ARHGAP15: variants seen among roughly 807,000 people sequenced by gnomAD.
ARHGAP15 encodes rho GTPase-activating protein 15.
In ARHGAP15, 51 loss-of-function variants were observed where a neutral mutation model predicts 63.7. The ratio of observed to expected loss-of-function variants is 0.80; its 90% confidence interval spans 0.64 to 1.01. The LOEUF is 1.01. ARHGAP15 is among the 50% of genes least tolerant of loss of function. The pLI, the probability that ARHGAP15 is intolerant of heterozygous loss-of-function variation, is 0.00. For missense variants in ARHGAP15, 560 were observed against 564.6 expected, an observed-to-expected ratio of 0.99 and a Z score of 0.08; for synonymous variants, 191 against 193.8, an observed-to-expected ratio of 0.99 and a Z score of 0.12.
chr2:143,262,964 C>G (rs1413444451), intron 6 of ARHGAP15, among the ~76,000 whole-genome samples: 1 of 152,136 alleles, frequency 6.6e-6, no homozygotes, highest in Non-Finnish European at 1.5e-5. Flanking sequence ...CCTTTTGGTC[C>G]TTAGACCCAC....
At chr2:143,225,768 G>T (rs1278747017) in intron 4 of ARHGAP15, among the ~76,000 whole-genome samples, 1 of 152,162 alleles carries the variant, frequency 6.6e-6, no homozygotes, top group African/African-American at 2.4e-5. Context: ...AGTAAATAGA[G>T]ATGTTAGTAC....
At chr2:143,476,389 A>C (rs1400315306) in intron 8 of ARHGAP15, among the ~76,000 whole-genome samples, 1 of 152,216 alleles carries the variant, frequency 6.6e-6, no homozygotes, top group African/African-American at 2.4e-5. Context: ...CTTGGGAAGA[A>C]AGGCACAATG....
intron 2 of ARHGAP15, among the ~76,000 whole-genome samples, chr2:143,193,184 T>C (rs1407265319): frequency 6.6e-6 from 1 of 152,104 alleles, no homozygotes; most frequent in African/African-American, 2.4e-5. Context: ...GAAAAAAAAT[T>C]GTCACTTGTA....
At chr2:143,658,545 T>G (rs1361855079) in intron 12 of ARHGAP15, among the ~76,000 whole-genome samples, 1 of 152,150 alleles carries the variant, frequency 6.6e-6, no homozygotes, top group African/African-American at 2.4e-5. Context: ...AGAGGCAATT[T>G]TTTGGCTCAT....
intron 13 of ARHGAP15, among the ~76,000 whole-genome samples, chr2:143,751,702 T>C (rs1186945497): frequency 6.6e-6 from 1 of 152,126 alleles, no homozygotes; most frequent in Non-Finnish European, 1.5e-5. Flanking sequence ...CCCTCATCCA[T>C]GGGAGATCCA....
At chr2:143,574,034 G>A (rs1336340719) in intron 11 of ARHGAP15, among the ~76,000 whole-genome samples, 1 of 152,086 alleles carries the variant, frequency 6.6e-6, no homozygotes, top group East Asian at 1.9e-4. Context: ...TTCTAACCAA[G>A]GATGGTTTCT....
intron 1 of ARHGAP15, among the ~76,000 whole-genome samples, chr2:143,152,838 A>T (rs1007496967): frequency 6.6e-6 from 1 of 151,970 alleles, no homozygotes; most frequent in Admixed American, 6.6e-5. Context: ...CAACAGGGTG[A>T]GATGGAAAAG....
At position 143,233,964 on chromosome 2, in the gene ARHGAP15, T is replaced by C. The variant is rs74190314; in HGVS notation, c.384+5296T>C. On this transcript the variant is annotated intron_variant, in intron 5 of 13. Coordinates refer to ENST00000295095, the MANE Select transcript of ARHGAP15 (RefSeq NM_018460.4). The stretch of plus-strand genomic sequence containing the variant: ...CAGGCCCAATGGCTATCTTTTCAAA[T>C]GTAGCCCTTTTTACATTCCCTCTCT... Among the ~76,000 whole-genome samples, 7 of 152,220 alleles carry C rather than the reference T, an allele frequency of 4.6e-5. No individual in the cohort carries two copies. The East Asian group carries it at 1.2e-3, about 25-fold the overall frequency.
intron 12 of ARHGAP15, among the ~76,000 whole-genome samples, chr2:143,676,866 C>T (rs1559120550): frequency 6.6e-6 from 1 of 151,952 alleles, no homozygotes; most frequent in East Asian, 1.9e-4. Flanking sequence ...TTGTCACAGA[C>T]CTTCAATTTG....
chr2:143,471,361 T>C (rs1225615068), intron 8 of ARHGAP15, among the ~76,000 whole-genome samples: 1 of 151,806 alleles, frequency 6.6e-6, no homozygotes, highest in East Asian at 1.9e-4. Context: ...CCAGAGTCTC[T>C]AGAACTGAGA....
chr2:143,699,912 T>C (rs976481697), intron 12 of ARHGAP15, among the ~76,000 whole-genome samples: 1 of 152,082 alleles, frequency 6.6e-6, no homozygotes, highest in Non-Finnish European at 1.5e-5. Flanking sequence ...TCAAAGAGAG[T>C]AAGAAACTTC....
intron 2 of ARHGAP15, among the ~76,000 whole-genome samples, chr2:143,187,263 G>A (rs563290624): frequency 6.2e-4 from 94 of 152,248 alleles, no homozygotes; most frequent in African/African-American, 2.2e-3. Context: ...AGGAAGCCAA[G>A]GCCACAGGGA....
At chr2:143,491,829 AG>A (rs1692592892) in intron 9 of ARHGAP15, among the ~76,000 whole-genome samples, 1 of 152,068 alleles carries the variant, frequency 6.6e-6, no homozygotes, top group Admixed American at 6.6e-5. Flanking sequence ...CTACTGCAAT[AG>A]GCGTGAATTT....
chr2:143,182,876 G>T (rs1185724840), intron 2 of ARHGAP15, among the ~76,000 whole-genome samples: 1 of 152,140 alleles, frequency 6.6e-6, no homozygotes, highest in Admixed American at 6.6e-5. Context: ...AAGAGAATGA[G>T]CAGGACCTCA....
chr2:143,520,552 A>G (rs1282624015), intron 10 of ARHGAP15, among the ~76,000 whole-genome samples: 1 of 152,196 alleles, frequency 6.6e-6, no homozygotes, highest in Middle Eastern at 3.2e-3. Flanking sequence ...CAGCAACTGC[A>G]GGATGAACAT....
intron 8 of ARHGAP15, among the ~76,000 whole-genome samples, chr2:143,469,607 G>A (rs946574356): frequency 6.6e-5 from 10 of 152,104 alleles, no homozygotes; most frequent in Non-Finnish European, 1.2e-4. Context: ...CTAGCCTCAT[G>A]CAAACACTGA....
At chr2:143,259,174 A>G (rs1350415415) in intron 6 of ARHGAP15, among the ~76,000 whole-genome samples, 5 of 152,126 alleles carry the variant, frequency 3.3e-5, no homozygotes, top group African/African-American at 1.2e-4. Context: ...TACTCTTTTG[A>G]TGTGTAGGAT....
intron 1 of ARHGAP15, among the ~76,000 whole-genome samples, chr2:143,139,284 C>T (rs1290063299): frequency 2.0e-5 from 3 of 152,076 alleles, no homozygotes; most frequent in Non-Finnish European, 4.4e-5. Context: ...GACATGATAT[C>T]ATCCATATCA....
At chr2:143,345,303 G>GT (rs1387976961) in intron 6 of ARHGAP15, among the ~76,000 whole-genome samples, 1 of 152,024 alleles carries the variant, frequency 6.6e-6, no homozygotes, top group African/African-American at 2.4e-5. Flanking sequence ...CCCCCACATG[G>GT]TTTTACTAAT....
Sources: gnomAD v4.1 joint callset for allele counts (sites outside exome capture counted in the v4.1 genomes callset) on GRCh38, gnomAD v4.1.1 for gene constraint, MANE v1.5 for transcripts, NCBI Gene and HGNC (gene_info 2026-07-23, HGNC 2026-07-21) for gene names.